DPYD: variants seen among roughly 807,000 people sequenced by gnomAD.
DPYD encodes dihydropyrimidine dehydrogenase [NADP(+)].
Under a neutral mutation model 116.2 loss-of-function variants are expected in DPYD, and 109 were observed. That is an observed-to-expected ratio of 0.94 (90% CI 0.80 to 1.10). DPYD has a LOEUF of 1.10. Among genes scored for constraint, DPYD ranks in the 50% least tolerant of loss-of-function variants. DPYD has a pLI of 0.00. For missense variants in DPYD, 1,302 were observed against 1,254.5 expected, an observed-to-expected ratio of 1.04 and a Z score of -0.57; for synonymous variants, 440 against 432.0, an observed-to-expected ratio of 1.02 and a Z score of -0.23.
chr1:97,137,517 T>A lies in DPYD; in HGVS notation c.2623-38885A>T, dbSNP rs556500392. Among the ~76,000 whole-genome samples, 9 of 152,342 alleles carry A rather than the reference T, an allele frequency of 5.9e-5. No homozygotes were observed. The South Asian group carries it at 1.9e-3, about 32-fold the overall frequency. On this transcript the variant is annotated intron_variant, in intron 20 of 22. Coordinates refer to ENST00000370192, the MANE Select transcript of DPYD (RefSeq NM_000110.4). ...CTTAATAAAATAACTTTCCATGAGC[T>A]TTCTCATAATGGTATTAACAGGGAA...
At chr1:97,856,474 T>C (rs987274007) in intron 2 of DPYD, 1 of 152,210 alleles carries the variant, frequency 6.6e-6, no homozygotes, top group African/African-American at 2.4e-5. Flanking sequence ...AATACTCAAA[T>C]AACAGGTTGA....
intron 12 of DPYD, among the ~76,000 whole-genome samples, chr1:97,532,663 T>C (rs1649713698): frequency 6.6e-6 from 1 of 152,078 alleles, no homozygotes; most frequent in Non-Finnish European, 1.5e-5. Flanking sequence ...AATTTGTTCA[T>C]AATAGTCCCT....
At chr1:97,351,319 A>G (rs1454683063) in intron 16 of DPYD, among the ~76,000 whole-genome samples, 1 of 152,166 alleles carries the variant, frequency 6.6e-6, no homozygotes, top group Non-Finnish European at 1.5e-5. Context: ...GACAAGTTGG[A>G]GAGTTTACTC....
At chr1:97,265,228 A>G (rs1222050423) in intron 18 of DPYD, among the ~76,000 whole-genome samples, 1 of 152,102 alleles carries the variant, frequency 6.6e-6, no homozygotes, top group East Asian at 1.9e-4. Context: ...ATATTATTGC[A>G]TGATTGGCAC....
At chr1:97,831,060 A>T (rs2101493813) in intron 2 of DPYD, among the ~76,000 whole-genome samples, 1 of 152,348 alleles carries the variant, frequency 6.6e-6, no homozygotes. Context: ...AAAGGAAATA[A>T]GTAAGCACTG....
chr1:97,084,593 G>A (rs1264222195), intron 21 of DPYD, among the ~76,000 whole-genome samples: 2 of 152,016 alleles, frequency 1.3e-5, no homozygotes, highest in Non-Finnish European at 2.9e-5. Flanking sequence ...AGTGCCATAT[G>A]TTTTACACAT....
chr1:97,618,174 C>G (rs1480933290), intron 8 of DPYD, among the ~76,000 whole-genome samples: 1 of 152,102 alleles, frequency 6.6e-6, no homozygotes, highest in Non-Finnish European at 1.5e-5. Context: ...TGCCTTAGTA[C>G]TGTTCTAGAT....
chr1:97,588,031 G>A (rs1654261454), intron 10 of DPYD, among the ~76,000 whole-genome samples: 1 of 152,078 alleles, frequency 6.6e-6, no homozygotes, highest in African/African-American at 2.4e-5. Context: ...TCTTTTAAAT[G>A]TTGTGCTATT....
At chr1:97,101,211 G>A (rs181971610) in intron 20 of DPYD, among the ~76,000 whole-genome samples, 1 of 151,920 alleles carries the variant, frequency 6.6e-6, no homozygotes, top group Non-Finnish European at 1.5e-5. Flanking sequence ...GGAGCTCTCA[G>A]AGACTAAGGT....
chr1:97,225,276 TGATAATAGTTATTCTAACAGGTGTAA>T (rs1305458233), intron 19 of DPYD, among the ~76,000 whole-genome samples: 1 of 152,092 alleles, frequency 6.6e-6, no homozygotes, highest in East Asian at 1.9e-4. Flanking sequence ...TTATCTTGTT[TGATAATAGTTATTCTAACAGGTGTAA>T]GATAATATCT....
At chr1:97,594,379 G>A (rs1160807037) in intron 9 of DPYD, among the ~76,000 whole-genome samples, 1 of 152,148 alleles carries the variant, frequency 6.6e-6, no homozygotes, top group African/African-American at 2.4e-5. Flanking sequence ...AACTTCTGAA[G>A]AATAATTTAA....
At chr1:97,733,690 G>A (rs1663762354) in intron 4 of DPYD, among the ~76,000 whole-genome samples, 1 of 151,736 alleles carries the variant, frequency 6.6e-6, no homozygotes. Flanking sequence ...CCTTTACATT[G>A]TAATTACTTT....
chr1:97,087,312 C>T (rs368919014), intron 21 of DPYD, among the ~76,000 whole-genome samples: 9 of 152,032 alleles, frequency 5.9e-5, no homozygotes, highest in African/African-American at 1.9e-4. Flanking sequence ...CTATATATGC[C>T]CTCTGAGCAG....
intron 20 of DPYD, among the ~76,000 whole-genome samples, chr1:97,112,648 T>C (rs1348829272): frequency 2.6e-5 from 4 of 151,768 alleles, no homozygotes; most frequent in Non-Finnish European, 4.4e-5. Flanking sequence ...AGTATATGCT[T>C]AAGTTAAGTA....
intron 3 of DPYD, among the ~76,000 whole-genome samples, chr1:97,822,783 G>T (rs1669022170): frequency 6.6e-6 from 1 of 151,808 alleles, no homozygotes. Context: ...CCACCAAACT[G>T]CATTAGCAGC....
intron 8 of DPYD, among the ~76,000 whole-genome samples, chr1:97,661,383 CAT>C (rs745446133): frequency 8.8e-4 from 134 of 152,236 alleles, no homozygotes; most frequent in Non-Finnish European, 1.0e-3. Context: ...ATTATGGAAA[CAT>C]ATAGAATCGA....
At chr1:97,511,068 A>G (rs1462328054) in intron 13 of DPYD, among the ~76,000 whole-genome samples, 1 of 151,900 alleles carries the variant, frequency 6.6e-6, no homozygotes, top group African/African-American at 2.4e-5. Context: ...CTGTAAATGC[A>G]TGATTGAGGC....
intron 3 of DPYD, among the ~76,000 whole-genome samples, chr1:97,744,746 C>T (rs1664452828): frequency 6.6e-6 from 1 of 151,950 alleles, no homozygotes; most frequent in Non-Finnish European, 1.5e-5. Context: ...GTTTCCCTAC[C>T]CTATAAGCAC....
intron 2 of DPYD, among the ~76,000 whole-genome samples, chr1:97,835,798 A>G (rs1215799096): frequency 6.6e-6 from 1 of 152,138 alleles, no homozygotes; most frequent in African/African-American, 2.4e-5. Context: ...TTATACAAAT[A>G]TTGATATTTA....
Sources: gnomAD v4.1 joint callset for allele counts (sites outside exome capture counted in the v4.1 genomes callset) on GRCh38, gnomAD v4.1.1 for gene constraint, MANE v1.5 for transcripts, NCBI Gene and HGNC (gene_info 2026-07-23, HGNC 2026-07-21) for gene names.